The following BPI variants were observed in gnomAD, a reference collection of about 807,000 sequenced individuals.
The protein encoded by BPI is bactericidal permeability-increasing protein.
In BPI, 48 loss-of-function variants were observed where a neutral mutation model predicts 57.6. The ratio of observed to expected loss-of-function variants is 0.83; its 90% CI spans 0.66 to 1.06. The LOEUF (loss-of-function observed/expected upper bound fraction) is 1.06. Ranked by LOEUF, BPI falls within the 50% of genes least tolerant of loss-of-function variation. BPI has a pLI of 0.00. For missense variants in BPI, 651 were observed against 609.7 expected (o/e 1.07, Z -0.71); for synonymous variants, 237 against 238.2 (o/e 0.99, Z 0.05).
chr20:38,337,343 A>G lies in BPI; in HGVS notation c.*159A>G. On this transcript the variant is annotated 3_prime_UTR_variant, in exon 15 of 15. Transcript: ENST00000642449. ...AGAAATGATCTAAACACGAGGAAAC[A>G]TTATTCATTGGAAAAGTGCATGGTG... is the stretch of plus-strand genomic sequence containing the variant. 3.4e-6 allele frequency: 2 copies of G among 595,638 alleles called. No homozygotes were observed. Among genetic ancestry groups the G allele is most frequent in the African/African-American group, 1.9e-5 (1 of 51,404 alleles). The allele number at this position is 595,638 out of a possible 1,614,324, so 36.9% of individuals were successfully genotyped here.
intron 5 of BPI, among the ~76,000 whole-genome samples, chr20:38,313,756 G>A (rs1247578479): frequency 2.0e-5 from 3 of 151,564 alleles, no homozygotes; most frequent in African/African-American, 7.3e-5. Flanking sequence ...TAATGGTGAT[G>A]GTGATGACGG....
intron 5 of BPI, among the ~76,000 whole-genome samples, chr20:38,318,165 A>G (rs2076661764): frequency 6.6e-6 from 1 of 152,206 alleles, no homozygotes; most frequent in Non-Finnish European, 1.5e-5. Flanking sequence ...AACCCTCATC[A>G]GTTCCACACA....
rs532429913 is a variant in BPI at position 38,320,052 on chromosome 20, C to T, written c.665-131C>T. On this transcript the variant is annotated intron_variant, in intron 6 of 14. Coordinates refer to ENST00000642449, the MANE Select transcript of BPI (RefSeq NM_001725.3). Reference sequence around the variant, plus strand: ...AAGGCGAGCTCCCTTAAGGAGAGCTCCCTGGAGAAGGTGGGAATGAAACTT... The same window carrying T: ...AAGGCGAGCTCCCTTAAGGAGAGCTTCCTGGAGAAGGTGGGAATGAAACTT... The T allele has an allele frequency of 6.0e-5, 46 of 760,382 alleles. 1 individual carries two copies. The East Asian group carries it at 1.1e-3, about 18-fold the overall frequency. The allele number at this position is 760,382 out of a possible 1,614,324, so 47.1% of individuals were successfully genotyped here.
chr20:38,318,426 T>C lies in BPI; in HGVS notation c.614T>C (p.Val205Ala), dbSNP rs780568663. 16 of 1,613,690 alleles carry C rather than the reference T, an allele frequency of 9.9e-6. No individual in the cohort carries two copies. The highest frequency in any genetic ancestry group is 1.3e-5 in the African/African-American group (1 of 74,922). Residue 205 changes from valine to alanine, a missense_variant, in exon 6 of 15, where the codon GTG becomes GCG. Coordinates refer to ENST00000642449, the MANE Select transcript of BPI (RefSeq NM_001725.3). ...GGTTCTCCCCAGGTCTGCGAGAAAG[T>C]GACCAATTCTGTATCCTCCGAGCTG... Reference protein sequence around the residue: ...NKMNSQVCEKVTNSVSSELQP... With the variant: ...NKMNSQVCEKATNSVSSELQP...
Position 38,335,639 on chromosome 20 carries a change from G to A in BPI, c.1378G>A (p.Val460Ile), listed in dbSNP as rs1457585391. 1 of 1,614,172 alleles carries A rather than the reference G, an allele frequency of 6.2e-7. No individual in the cohort carries two copies. ...CTTCCCTCTCCCGACGCCGGCCAGA[G>A]TCCAGCTCTACAACGTAGTGCTTCA... The part of the protein sequence containing the change: ...KGFPLPTPAR[V>I]QLYNVVLQPH... The change falls in exon 14 of 15, where the codon GTC (valine) becomes ATC (isoleucine). Residue 460 changes from valine to isoleucine, a missense_variant. Physicochemically the swap from Val to Ile is conservative, Grantham distance 29. Transcript: ENST00000642449.
chr20:38,305,599 T>C (rs948755746), intron 1 of BPI, among the ~76,000 whole-genome samples: 1 of 152,198 alleles, frequency 6.6e-6, no homozygotes, highest in African/African-American at 2.4e-5. Context: ...TGACCAGTTA[T>C]GTGTCATTTA....
intron 5 of BPI, among the ~76,000 whole-genome samples, chr20:38,312,988 G>C (rs895431423): frequency 1.3e-5 from 2 of 152,172 alleles, no homozygotes; most frequent in Non-Finnish European, 2.9e-5. Flanking sequence ...TCTCAGGGTA[G>C]GGTCTCAGGG....
intron 13 of BPI, among the ~76,000 whole-genome samples, chr20:38,335,013 C>T (rs77235139): frequency 1.3e-5 from 2 of 152,120 alleles, no homozygotes; most frequent in Admixed American, 1.3e-4. Flanking sequence ...GCCCATATAA[C>T]CTGTGACTAG....
At chr20:38,312,933 A>T (rs931717910) in intron 5 of BPI, among the ~76,000 whole-genome samples, 1 of 152,062 alleles carries the variant, frequency 6.6e-6, no homozygotes, top group Non-Finnish European at 1.5e-5. Context: ...CTCGGTTGGG[A>T]TTAGATGGGA....
At chr20:38,309,179 C>A (rs183225213) in intron 3 of BPI, 121 bp downstream of exon 3, 3 of 1,386,378 alleles carry the variant, frequency 2.2e-6, no homozygotes, top group East Asian at 2.3e-5. Flanking sequence ...ATAGCCACAG[C>A]GTTCCTCAGG....
chr20:38,311,198 A>G (rs2076620288), intron 4 of BPI, among the ~76,000 whole-genome samples: 1 of 152,224 alleles, frequency 6.6e-6, no homozygotes, highest in African/African-American at 2.4e-5. Context: ...ATGGAGAGAT[A>G]GGCAATAACT....
In BPI at chr20:38,323,872, G is replaced by GGA; in HGVS notation, c.761_762dup (p.Phe255SerfsTer17). On this transcript the variant is annotated frameshift_variant, in exon 8 of 15. Coordinates refer to ENST00000642449, the MANE Select transcript of BPI (RefSeq NM_001725.3). LOFTEE classifies it high-confidence loss of function. ...CACTCTGTTGCCTCTACCCCCAGGG[G>GGA]GAGTTTTACAGTGAGAACCACCACA... 7 of 1,613,738 alleles carry GGA rather than the reference G, an allele frequency of 4.3e-6. No individual in the cohort carries two copies. Among genetic ancestry groups the GGA allele is most frequent in the Non-Finnish European group, 5.9e-6 (7 of 1,179,834 alleles).
At chr20:38,313,269 G>A (rs1479112716) in intron 5 of BPI, among the ~76,000 whole-genome samples, 1 of 151,778 alleles carries the variant, frequency 6.6e-6, no homozygotes, top group Non-Finnish European at 1.5e-5. Context: ...TGTAATCCCA[G>A]CTACTCGGCA....
chr20:38,309,232 A>G (rs2076610927), intron 3 of BPI, among the ~76,000 whole-genome samples, 174 bp downstream of exon 3: 1 of 152,220 alleles, frequency 6.6e-6, no homozygotes, highest in South Asian at 2.1e-4. Flanking sequence ...CTTGATTAAT[A>G]GCTGAGAATT....
intron 5 of BPI, among the ~76,000 whole-genome samples, chr20:38,316,430 C>A (rs1203497928): frequency 8.5e-5 from 13 of 152,198 alleles, no homozygotes. Context: ...AGCTGGGTCC[C>A]CAGGCTGAAG....
rs148179630 is a variant in BPI at position 38,329,564 on chromosome 20, A to C, written c.1230-1484A>C. ...TGAGCACAGGCTTTCTGGAATATGC[A>C]GGGGATGGGGATAGGGTATGAGAAT... is the stretch of plus-strand genomic sequence containing the variant. On this transcript the variant is annotated intron_variant, in intron 11 of 14. Transcript: ENST00000642449. 6.7e-3 allele frequency among the ~76,000 whole-genome samples: 1,026 copies of C among 152,314 alleles called. 14 individuals carry two copies. Among genetic ancestry groups the C allele is most frequent in the African/African-American group, 0.023 (943 of 41,560 alleles).
At position 38,327,573 on chromosome 20, in the gene BPI, T is replaced by G. The variant is rs1281917720; in HGVS notation, c.1162-15T>G. 6.2e-7 allele frequency: 1 copy of G among 1,612,340 alleles called. No homozygotes were observed. Among genetic ancestry groups the G allele is most frequent in the African/African-American group, 1.3e-5 (1 of 74,866 alleles). Reference sequence around the variant, plus strand: ...CTGGGTCAGGGCACTTCACCCTGGGTTGTTGTTTTGGCAGCACACAACTGG... The same window carrying G: ...CTGGGTCAGGGCACTTCACCCTGGGGTGTTGTTTTGGCAGCACACAACTGG... On this transcript the variant is annotated splice_polypyrimidine_tract_variant and intron_variant, in intron 10 of 14. Coordinates refer to ENST00000642449, the MANE Select transcript of BPI (RefSeq NM_001725.3).
intron 6 of BPI, among the ~76,000 whole-genome samples, chr20:38,319,216 C>T (rs2076668671): frequency 6.6e-6 from 1 of 152,172 alleles, no homozygotes; most frequent in Non-Finnish European, 1.5e-5. Flanking sequence ...GCCTGGGTGA[C>T]AGAGCAAGAC....
At chr20:38,308,114 C>T (rs750302896) in intron 2 of BPI, among the ~76,000 whole-genome samples, 2 of 152,152 alleles carry the variant, frequency 1.3e-5, no homozygotes, top group Admixed American at 6.5e-5. Context: ...AATTCGCAGG[C>T]AGTGTGTCCC....
Sources: gnomAD v4.1 joint callset for allele counts (sites outside exome capture counted in the v4.1 genomes callset) on GRCh38, gnomAD v4.1.1 for gene constraint, MANE v1.5 for transcripts, NCBI Gene and HGNC (gene_info 2026-07-23, HGNC 2026-07-21) for gene names.